Variants in TMEM38A observed in about 807,000 individuals in gnomAD.
The protein encoded by TMEM38A is trimeric intracellular cation channel type A.
In TMEM38A, 17 loss-of-function variants were observed where a neutral mutation model predicts 28.6. The ratio of observed to expected loss-of-function variants is 0.60; its 90% CI spans 0.41 to 0.89. The LOEUF is 0.89. Ranked by LOEUF, TMEM38A falls within the 40% of genes least tolerant of loss-of-function variation. The pLI, the probability that TMEM38A is intolerant of heterozygous loss-of-function variation, is 0.00. For synonymous variants in TMEM38A, 169 were observed against 166.1 expected (o/e 1.02, Z -0.14); for missense variants, 328 against 393.1 (o/e 0.83, Z 1.40).
intron 1 of TMEM38A, among the ~76,000 whole-genome samples, chr19:16,675,128 A>C (rs1371553884): frequency 6.6e-6 from 1 of 152,208 alleles, no homozygotes; most frequent in Non-Finnish European, 1.5e-5. Flanking sequence ...CAGGGCACTA[A>C]CATGGTCAAG....
At chr19:16,682,279 C>T in intron 3 of TMEM38A, 142 bp from the exon 4 acceptor site, 1 of 659,462 alleles carries the variant, frequency 1.5e-6, no homozygotes, top group Non-Finnish European at 2.7e-6. Context: ...TCCCCACCTG[C>T]AGCTGATGAT....
chr19:16,665,697 A>G (rs1184196312), intron 1 of TMEM38A, among the ~76,000 whole-genome samples: 3 of 152,172 alleles, frequency 2.0e-5, no homozygotes, highest in Non-Finnish European at 2.9e-5. Flanking sequence ...GATAAGGTCT[A>G]AGGCATTTGT....
chr19:16,662,959 G>A (rs1343845174), intron 1 of TMEM38A, among the ~76,000 whole-genome samples: 2 of 152,046 alleles, frequency 1.3e-5, no homozygotes, highest in Non-Finnish European at 2.9e-5. Context: ...GTTCAGGCCA[G>A]TTCCTTGGGC....
intron 1 of TMEM38A, among the ~76,000 whole-genome samples, chr19:16,671,187 G>A (rs1228439212): frequency 6.9e-6 from 1 of 145,074 alleles, no homozygotes; most frequent in Admixed American, 6.8e-5. Flanking sequence ...TATGGAAAGG[G>A]GAAAGGACCT....
chr19:16,671,571 C>T (rs562310740), intron 1 of TMEM38A, among the ~76,000 whole-genome samples: 1 of 152,034 alleles, frequency 6.6e-6, no homozygotes, highest in Non-Finnish European at 1.5e-5. Flanking sequence ...GTCACTTGCC[C>T]AAGGCCATGC....
intron 1 of TMEM38A, among the ~76,000 whole-genome samples, chr19:16,673,471 A>C (rs1286651083): frequency 2.0e-5 from 3 of 152,116 alleles, no homozygotes; most frequent in African/African-American, 7.2e-5. Context: ...CTGTTGCAAC[A>C]TTGTATCAGT....
At position 16,671,201 on chromosome 19, in the gene TMEM38A, C is replaced by CTTTT. The variant is rs34550977; in HGVS notation, c.125-8764_125-8761dup. 2.1e-4 allele frequency among the ~76,000 whole-genome samples: 18 copies of CTTTT among 84,850 alleles called. 1 individual carries two copies. The highest frequency in any genetic ancestry group is 6.0e-4 in the African/African-American group (9 of 15,122). 55.7% of individuals were successfully genotyped at this position (84,850 alleles called of 152,430 possible). A position where few individuals can be genotyped will look rare whatever the true frequency, so the allele number is the denominator to read the frequency against. The stretch of plus-strand genomic sequence containing the variant: ...GTATGGAAAGGGGAAAGGACCTGGG[C>CTTTT]TTTTTTTTTTTTTTTTTTTTTTGAG... On this transcript the variant is annotated intron_variant, in intron 1 of 5. Transcript: ENST00000187762.
At chr19:16,685,045 T>C (rs1390698179) in intron 4 of TMEM38A, among the ~76,000 whole-genome samples, 1 of 87,112 alleles carries the variant, frequency 1.1e-5, no homozygotes, top group Non-Finnish European at 2.0e-5. Flanking sequence ...AGAGACCCTG[T>C]CTCTGTAAAT....
chr19:16,674,085 CTT>C (rs892745482), intron 1 of TMEM38A, among the ~76,000 whole-genome samples: 2 of 145,386 alleles, frequency 1.4e-5, no homozygotes, highest in African/African-American at 5.1e-5. Context: ...GATGCTGTCT[CTT>C]AAAAAAAGTG....
At chr19:16,673,889 A>G (rs1489691748) in intron 1 of TMEM38A, among the ~76,000 whole-genome samples, 1 of 151,658 alleles carries the variant, frequency 6.6e-6, no homozygotes, top group African/African-American at 2.4e-5. Flanking sequence ...GGAGTTCAAG[A>G]GCAGCCTGGG....
intron 5 of TMEM38A, among the ~76,000 whole-genome samples, chr19:16,687,594 C>A (rs1327719327): frequency 1.3e-5 from 2 of 152,106 alleles, no homozygotes; most frequent in African/African-American, 4.8e-5. Flanking sequence ...GGGTACTAGC[C>A]TGGTCGGGTT....
chr19:16,668,324 C>T (rs888859290), intron 1 of TMEM38A, among the ~76,000 whole-genome samples: 2 of 151,918 alleles, frequency 1.3e-5, no homozygotes, highest in Non-Finnish European at 2.9e-5. Flanking sequence ...GCAGGCAGAT[C>T]ACTTGAAGCC....
intron 1 of TMEM38A, among the ~76,000 whole-genome samples, chr19:16,671,610 G>A (rs915045262): frequency 1.3e-5 from 2 of 152,020 alleles, no homozygotes; most frequent in African/African-American, 2.4e-5. Flanking sequence ...CAGAAGCTAG[G>A]CATGTGATGA....
chr19:16,674,835 A>C (rs982302195), intron 1 of TMEM38A, among the ~76,000 whole-genome samples: 2 of 151,968 alleles, frequency 1.3e-5, no homozygotes, highest in African/African-American at 4.8e-5. Flanking sequence ...ACCAGGACCC[A>C]GAGGGATGCA....
At chr19:16,662,520 C>G (rs1202505390) in intron 1 of TMEM38A, among the ~76,000 whole-genome samples, 1 of 128,642 alleles carries the variant, frequency 7.8e-6, no homozygotes, top group Non-Finnish European at 1.5e-5. Flanking sequence ...GTGGCGTGAT[C>G]TCGGCTCACT....
rs541528067 is a variant in TMEM38A, at chr19:16,667,899, C to T, written c.124+6558C>T. The stretch of plus-strand genomic sequence containing the variant: ...AAAAATCCTTTTGTCCTGATTGTCA[C>T]CCCTCTTTCATTTAAATCAGAATTG... On this transcript the variant is annotated intron_variant, in intron 1 of 5. Coordinates refer to ENST00000187762, the MANE Select transcript of TMEM38A (RefSeq NM_024074.4). Among the ~76,000 whole-genome samples the T allele has an allele frequency of 8.7e-5, 13 of 149,126 alleles. 1 individual carries two copies. In the South Asian group the frequency reaches 2.6e-3, roughly 29 times the overall value.
intron 1 of TMEM38A, among the ~76,000 whole-genome samples, chr19:16,664,182 G>A (rs7252665): frequency 0.082 from 12,468 of 152,106 alleles, 766 homozygotes; most frequent in African/African-American, 0.17. Flanking sequence ...TTTGGGAGGC[G>A]AGGCGGGTGG....
Position 16,671,811 on chromosome 19 carries a change from A to C in TMEM38A, c.125-8173A>C, listed in dbSNP as rs539346976. On this transcript the variant is annotated intron_variant, in intron 1 of 5. Coordinates refer to ENST00000187762, the MANE Select transcript of TMEM38A (RefSeq NM_024074.4). ...TCAGAGCGTAACTCATGCAAACGCTAGGTCCCTACCCCCACTCCCCAACCT... is the reference window on the plus strand; with the variant it reads ...TCAGAGCGTAACTCATGCAAACGCTCGGTCCCTACCCCCACTCCCCAACCT... Among the ~76,000 whole-genome samples, 10 of 152,354 alleles carry C rather than the reference A, an allele frequency of 6.6e-5. No individual in the cohort carries two copies. In the East Asian group the frequency reaches 1.9e-3, roughly 29 times the overall value.
chr19:16,666,074 G>A (rs1414913466), intron 1 of TMEM38A, among the ~76,000 whole-genome samples: 1 of 151,870 alleles, frequency 6.6e-6, no homozygotes, highest in East Asian at 1.9e-4. Flanking sequence ...TCCACCTGCC[G>A]GGTTCAAGCG....
Sources: gnomAD v4.1 joint callset for allele counts (sites outside exome capture counted in the v4.1 genomes callset) on GRCh38, gnomAD v4.1.1 for gene constraint, MANE v1.5 for transcripts, NCBI Gene and HGNC (gene_info 2026-07-23, HGNC 2026-07-21) for gene names.